Variants in CFAP47 observed in about 807,000 individuals in gnomAD.
CFAP47 encodes the protein cilia- and flagella-associated protein 47.
CFAP47 carries 29 observed loss-of-function variants against 148.1 expected under a neutral mutation model. The observed-to-expected ratio is 0.20, with a 90% CI of 0.15 to 0.27. The LOEUF is 0.27. Among genes scored for constraint, CFAP47 ranks in the 10% least tolerant of loss-of-function variants. The pLI is 1.00. For synonymous variants in CFAP47, 664 were observed against 577.3 expected (o/e 1.15, Z -2.15); for missense variants, 1,872 against 1,697.5 (o/e 1.10, Z -1.81).
intron 39 of CFAP47, among the ~76,000 whole-genome samples, chrX:36,168,521 G>T (rs943061563): frequency 9.0e-6 from 1 of 111,563 alleles, no homozygotes. Flanking sequence ...TGCATTATAA[G>T]CCCATAAAGC....
At chrX:36,328,308 G>A (rs191804061) in intron 57 of CFAP47, among the ~76,000 whole-genome samples, 159 of 111,572 alleles carry the variant, frequency 1.4e-3, no homozygotes, top group Admixed American at 3.1e-3. Context: ...ACAAAATCCA[G>A]TAAGCCCAAA....
At chrX:36,058,070 A>G (rs1937568292) in intron 26 of CFAP47, among the ~76,000 whole-genome samples, 1 of 112,101 alleles carries the variant, frequency 8.9e-6, no homozygotes, top group Admixed American at 9.5e-5. Context: ...ATGAACATTA[A>G]ATGATTTTTA....
At chrX:36,092,114 A>G (rs142809424) in intron 30 of CFAP47, among the ~76,000 whole-genome samples, 1,826 of 111,564 alleles carry the variant, frequency 0.016, 46 homozygotes, top group African/African-American at 0.056. Flanking sequence ...TATATATAAA[A>G]ACATAAATGT....
At chrX:36,040,484 G>T (rs1448610915) in intron 25 of CFAP47, among the ~76,000 whole-genome samples, 1 of 111,585 alleles carries the variant, frequency 9.0e-6, no homozygotes, top group Non-Finnish European at 1.9e-5. Flanking sequence ...GTTACAATTA[G>T]AGAATACACA....
rs868772676 is a variant in CFAP47, at chrX:36,085,258, T to C, written c.4692-56T>C. The C allele has an allele frequency of 4.3e-5, 31 of 721,089 alleles. No homozygotes were observed. In the Middle Eastern group the frequency reaches 1.5e-3, roughly 36 times the overall value. The allele number at this position is 721,089 out of a possible 1,213,427, so 59.4% of individuals were successfully genotyped here. A position where few individuals can be genotyped will look rare whatever the true frequency, so the allele number is the denominator to read the frequency against. ...TCATTGAATTGAACATGTTTTTTTT[T>C]CCCCCATACTATAACATTTTGAGAC... On this transcript the variant is annotated intron_variant, in intron 29 of 63. Transcript: ENST00000378653.
intron 39 of CFAP47, among the ~76,000 whole-genome samples, chrX:36,173,240 CA>C (rs1939612232): frequency 9.0e-6 from 1 of 111,355 alleles, no homozygotes; most frequent in South Asian, 3.8e-4. Flanking sequence ...TTGATCCTTT[CA>C]AAAAACCAGC....
chrX:36,341,287 G>A (rs1941651235), intron 57 of CFAP47, among the ~76,000 whole-genome samples: 1 of 110,411 alleles, frequency 9.1e-6, no homozygotes, highest in South Asian at 3.8e-4. Context: ...TGCCCGCCTC[G>A]GCCTCCCAAA....
intron 57 of CFAP47, among the ~76,000 whole-genome samples, chrX:36,341,080 G>C (rs1372496287): frequency 9.7e-6 from 1 of 102,821 alleles, no homozygotes; most frequent in Non-Finnish European, 2.0e-5. Flanking sequence ...CCTGTCACCA[G>C]GCTGGAGTGC....
chrX:36,248,023 T>G (rs1020314759), intron 48 of CFAP47, among the ~76,000 whole-genome samples: 1 of 109,745 alleles, frequency 9.1e-6, no homozygotes, highest in Non-Finnish European at 1.9e-5. Context: ...ACTTGAGACA[T>G]AAAATTATTA....
chrX:36,345,123 A>G (rs1269941132), intron 57 of CFAP47, among the ~76,000 whole-genome samples: 7 of 112,075 alleles, frequency 6.2e-5, no homozygotes, highest in African/African-American at 2.3e-4. Context: ...AAATGTAATG[A>G]CCTTCATAAT....
intron 25 of CFAP47, among the ~76,000 whole-genome samples, chrX:36,040,243 T>C (rs971303752): frequency 8.9e-6 from 1 of 112,268 alleles, no homozygotes; most frequent in African/African-American, 3.2e-5. Flanking sequence ...AGTCATCAAA[T>C]AATTATAAAA....
intron 4 of CFAP47, among the ~76,000 whole-genome samples, chrX:35,948,802 T>TGC (rs1936122939): frequency 2.1e-5 from 2 of 95,818 alleles, no homozygotes; most frequent in African/African-American, 8.2e-5. Context: ...TGTGTGTGCG[T>TGC]GTGTGTGTGT....
chrX:35,981,148 C>T (rs1016210535), intron 15 of CFAP47, among the ~76,000 whole-genome samples: 4 of 107,943 alleles, frequency 3.7e-5, no homozygotes, highest in African/African-American at 3.4e-5. Context: ...CTATAAACAG[C>T]GTAAAGGAGG....
At chrX:36,126,139 C>T (rs1016463182) in intron 33 of CFAP47, among the ~76,000 whole-genome samples, 15 of 107,906 alleles carry the variant, frequency 1.4e-4, no homozygotes, top group Non-Finnish European at 1.2e-4. Context: ...GCAGAACGTG[C>T]AGTTTTGTTA....
chrX:36,067,385 A>G (rs1429095487), intron 27 of CFAP47, among the ~76,000 whole-genome samples: 2 of 111,586 alleles, frequency 1.8e-5, no homozygotes, highest in Admixed American at 9.5e-5. Flanking sequence ...GTTTGTACCT[A>G]TAGTCCATAC....
At chrX:36,072,759 T>C (rs1937778847) in intron 28 of CFAP47, among the ~76,000 whole-genome samples, 1 of 111,806 alleles carries the variant, frequency 8.9e-6, no homozygotes, top group South Asian at 3.7e-4. Flanking sequence ...ACCAATATTG[T>C]CTTTGTATAA....
chrX:36,252,388 G>A (rs1390639935), intron 49 of CFAP47, among the ~76,000 whole-genome samples: 1 of 109,778 alleles, frequency 9.1e-6, no homozygotes, highest in East Asian at 2.9e-4. Flanking sequence ...ATTTCAGAGT[G>A]CCAACCACAA....
chrX:36,157,892 G>A (rs1331635376), intron 37 of CFAP47, among the ~76,000 whole-genome samples: 1 of 111,531 alleles, frequency 9.0e-6, no homozygotes, highest in East Asian at 2.8e-4. Context: ...AGACCTCAAG[G>A]TCAAATGTTC....
At position 35,924,028 on chromosome X, in the gene CFAP47, T is replaced by TGTGCAC. The variant is rs1372148991; in HGVS notation, c.250-1989_250-1988insGTGCAC. Among the ~76,000 whole-genome samples, 565 of 96,370 alleles carry TGTGCAC rather than the reference T, an allele frequency of 5.9e-3. 42 individuals carry two copies. Among genetic ancestry groups the TGTGCAC allele is most frequent in the African/African-American group, 0.023 (520 of 22,868 alleles). 83.7% of individuals were successfully genotyped at this position (96,370 alleles called of 115,157 possible). On this transcript the variant is annotated intron_variant, in intron 1 of 63. Transcript: ENST00000378653. ...ATGTGTAAATATATATGCACATATA[T>TGTGCAC]ATGCACATATATGTGTATATGTACA...
Sources: allele counts gnomAD v4.1 joint callset (sites outside exome capture counted in the v4.1 genomes callset), GRCh38; gene constraint gnomAD v4.1.1; transcripts MANE v1.5; gene names NCBI Gene and HGNC (gene_info 2026-07-23, HGNC 2026-07-21).